Variants in SPON1 observed in about 807,000 individuals in gnomAD.
The protein encoded by SPON1 is spondin 1, also known as spondin-1.
SPON1 carries 52 observed loss-of-function variants against 111.7 expected under a neutral mutation model. The observed-to-expected ratio is 0.47, with a 90% CI of 0.37 to 0.59. The LOEUF (loss-of-function observed/expected upper bound fraction) is 0.59. Among genes scored for constraint, SPON1 ranks in the 20% least tolerant of loss-of-function variants. The pLI, the probability that SPON1 is intolerant of heterozygous loss-of-function variation, is 0.00. For synonymous variants in SPON1, 410 were observed against 395.8 expected (o/e 1.04, Z -0.43); for missense variants, 957 against 1,068.5 (o/e 0.90, Z 1.46).
chr11:14,000,645 C>T (rs1057229040), intron 2 of SPON1, among the ~76,000 whole-genome samples: 6 of 151,852 alleles, frequency 4.0e-5, no homozygotes, highest in African/African-American at 1.5e-4. Flanking sequence ...TGGCCCCCAC[C>T]CTCAGCCCAT....
At chr11:14,156,050 A>T (rs1348978433) in intron 6 of SPON1, among the ~76,000 whole-genome samples, 1 of 114,470 alleles carries the variant, frequency 8.7e-6, no homozygotes, top group Non-Finnish European at 1.9e-5. Flanking sequence ...GTATTTCTAG[A>T]TCCCTGAGGA....
intron 6 of SPON1, among the ~76,000 whole-genome samples, chr11:14,183,083 A>G (rs535967978): frequency 1.4e-4 from 22 of 152,376 alleles, no homozygotes; most frequent in African/African-American, 5.0e-4. Context: ...AAATGTACTA[A>G]TAATGTTATT....
At chr11:14,144,082 G>C (rs1204344642) in intron 6 of SPON1, among the ~76,000 whole-genome samples, 2 of 152,070 alleles carry the variant, frequency 1.3e-5, no homozygotes, top group Non-Finnish European at 2.9e-5. Context: ...ACAATAACAA[G>C]AATATGAATT....
chr11:14,105,620 T>C (rs1273143397), intron 5 of SPON1, among the ~76,000 whole-genome samples: 1 of 152,158 alleles, frequency 6.6e-6, no homozygotes, highest in Non-Finnish European at 1.5e-5. Context: ...TCATCTTTCT[T>C]CTCTCGTGCC....
chr11:14,215,790 T>G (rs534964927), intron 6 of SPON1, among the ~76,000 whole-genome samples: 2 of 152,210 alleles, frequency 1.3e-5, no homozygotes, highest in African/African-American at 4.8e-5. Flanking sequence ...CATCACAGTT[T>G]AGAGGTGAGC....
intron 2 of SPON1, among the ~76,000 whole-genome samples, chr11:14,005,027 C>G (rs530057910): frequency 1.2e-4 from 19 of 152,150 alleles, no homozygotes; most frequent in Non-Finnish European, 2.4e-4. Context: ...CAGGCTATGC[C>G]TTTTCATTTT....
intron 2 of SPON1, among the ~76,000 whole-genome samples, chr11:13,999,094 G>C (rs924368487): frequency 2.4e-4 from 36 of 152,172 alleles, no homozygotes; most frequent in African/African-American, 7.9e-4. Context: ...TTTTAAAACA[G>C]GTAAAATCTA....
chr11:14,009,415 T>C (rs893273258), intron 2 of SPON1, among the ~76,000 whole-genome samples: 1 of 152,160 alleles, frequency 6.6e-6, no homozygotes, highest in Non-Finnish European at 1.5e-5. Context: ...GTTTAGAACA[T>C]TCCCCTCTGC....
At chr11:14,201,107 A>G (rs1848457174) in intron 6 of SPON1, among the ~76,000 whole-genome samples, 1 of 151,998 alleles carries the variant, frequency 6.6e-6, no homozygotes, top group Admixed American at 6.6e-5. Flanking sequence ...TTGGGAGGCC[A>G]GGGCGGGTAG....
intron 6 of SPON1, among the ~76,000 whole-genome samples, chr11:14,233,865 C>A (rs1848832713): frequency 6.7e-6 from 1 of 148,224 alleles, no homozygotes; most frequent in Non-Finnish European, 1.5e-5. Context: ...TGAGTTCAAG[C>A]AATTCCCCTG....
rs376550745 is a variant in SPON1, at chr11:14,243,349, C to T, written c.843C>T (p.Thr281=). The T allele has an allele frequency of 2.6e-5, 41 of 1,584,350 alleles. No individual in the cohort carries two copies. The Middle Eastern group carries it at 6.6e-4, about 26-fold the overall frequency. Residue 281 remains threonine (T), a synonymous_variant, in exon 7 of 16, where the codon ACC becomes ACT. Coordinates refer to ENST00000576479, the MANE Select transcript of SPON1 (RefSeq NM_006108.4). ...EIRQQSDEVL[T]VIKAKAQWPA... ...TTTTGCAGAGTGATGAGGTCCTCACCGTCATCAAAGCCAAAGCCCAATGGC... is the reference window on the plus strand; with the variant it reads ...TTTTGCAGAGTGATGAGGTCCTCACTGTCATCAAAGCCAAAGCCCAATGGC...
chr11:14,241,502 C>A (rs1210374928), intron 6 of SPON1, among the ~76,000 whole-genome samples: 6 of 152,072 alleles, frequency 3.9e-5, no homozygotes, highest in Non-Finnish European at 8.8e-5. Flanking sequence ...GAATCCTCAG[C>A]CTGACTGGTG....
chr11:14,040,517 G>A (rs1295470771), intron 2 of SPON1, among the ~76,000 whole-genome samples: 1 of 152,074 alleles, frequency 6.6e-6, no homozygotes, highest in Non-Finnish European at 1.5e-5. Context: ...AATAGAAAAT[G>A]GTCTTTGCTT....
chr11:14,139,615 T>G (rs1847629065), intron 6 of SPON1, among the ~76,000 whole-genome samples: 1 of 152,092 alleles, frequency 6.6e-6, no homozygotes, highest in South Asian at 2.1e-4. Context: ...GAACACCTAC[T>G]ATATGCTAGG....
rs1338028883 is a variant in SPON1, at chr11:14,241,929, G to A, written c.826-1403G>A. Among the ~76,000 whole-genome samples the A allele has an allele frequency of 3.9e-5, 6 of 152,106 alleles. No homozygotes were observed. In the South Asian group the frequency reaches 8.3e-4, roughly 21 times the overall value. On this transcript the variant is annotated intron_variant, in intron 6 of 15. Coordinates refer to ENST00000576479, the MANE Select transcript of SPON1 (RefSeq NM_006108.4). ...TCATCTGATGGAAAGAGGGTACCCC[G>A]GGGAGCCTGAGCCTAGGAGGAGGCT...
chr11:14,078,269 A>T (rs924419244), intron 4 of SPON1, among the ~76,000 whole-genome samples: 47 of 152,196 alleles, frequency 3.1e-4, no homozygotes, highest in African/African-American at 1.1e-3. Flanking sequence ...CATTCCTTTG[A>T]ACCCTCAGAA....
At chr11:14,109,637 T>A (rs1441606695) in intron 5 of SPON1, among the ~76,000 whole-genome samples, 1 of 152,230 alleles carries the variant, frequency 6.6e-6, no homozygotes, top group Non-Finnish European at 1.5e-5. Context: ...CATGTCCATA[T>A]AGGTCCAAAT....
At chr11:13,996,683 A>G (rs1591344750) in intron 2 of SPON1, among the ~76,000 whole-genome samples, 1 of 152,094 alleles carries the variant, frequency 6.6e-6, no homozygotes, top group Non-Finnish European at 1.5e-5. Context: ...TCCAGGTTAT[A>G]TATTATATAG....
intron 1 of SPON1, among the ~76,000 whole-genome samples, chr11:13,978,727 T>C (rs914045428): frequency 6.6e-6 from 1 of 152,186 alleles, no homozygotes; most frequent in Non-Finnish European, 1.5e-5. Flanking sequence ...GGCTGACTTT[T>C]GAAGTTTGCA....
Sources: allele counts gnomAD v4.1 joint callset (sites outside exome capture counted in the v4.1 genomes callset), GRCh38; gene constraint gnomAD v4.1.1; transcripts MANE v1.5; gene names NCBI Gene and HGNC (gene_info 2026-07-23, HGNC 2026-07-21).